NUP205: variants seen among roughly 807,000 people sequenced by gnomAD.
NUP205 encodes the protein nucleoporin 205.
NUP205 carries 76 observed loss-of-function variants against 253.8 expected under a neutral mutation model. The ratio of observed to expected loss-of-function variants is 0.30; its 90% CI spans 0.25 to 0.36. NUP205 has a LOEUF of 0.36. Ranked by LOEUF, NUP205 falls within the 10% of genes least tolerant of loss-of-function variation. The pLI is 1.00. For missense variants in NUP205, 2,162 were observed against 2,425.5 expected, an observed-to-expected ratio of 0.89 and a Z score of 2.28; for synonymous variants, 832 against 850.1, an observed-to-expected ratio of 0.98 and a Z score of 0.37.
chr7:135,562,630 C>T (rs1055589499), intron 1 of NUP205, among the ~76,000 whole-genome samples: 4 of 143,730 alleles, frequency 2.8e-5, no homozygotes, highest in African/African-American at 5.1e-5. Flanking sequence ...TCACTGAAAC[C>T]TCTGCCTCCC....
intron 19 of NUP205, among the ~76,000 whole-genome samples, 171 bp from the exon 20 acceptor site, chr7:135,605,974 C>G (rs887782129): frequency 4.6e-5 from 7 of 151,598 alleles, no homozygotes; most frequent in African/African-American, 1.2e-4. Context: ...AGCTAACTTA[C>G]GGCAACTTAA....
rs770538302 is a variant in NUP205 at position 135,604,449 on chromosome 7, A to T, written c.2812A>T (p.Thr938Ser). ...NIQIKLVGDF[T>S]HDQSISQKLM... ...TCAGATAAAGTTGGTTGGAGATTTC[A>T]CACATGACCAGGTAACTGATTTTGT... Residue 938 changes from threonine (T) to serine (S), a missense_variant, in exon 19 of 43, where the codon ACA becomes TCA. Around this residue, in one of 5 missense-constraint regions of NUP205, gnomAD observed 892 missense variants for 957.1 expected, o/e 0.93. Transcript: ENST00000285968. 1.4e-5 allele frequency: 22 copies of T among 1,604,824 alleles called. 1 individual carries two copies. The South Asian group carries it at 2.5e-4, about 18-fold the overall frequency.
chr7:135,590,508 TA>T (rs1806600219), intron 10 of NUP205, among the ~76,000 whole-genome samples: 2 of 152,068 alleles, frequency 1.3e-5, no homozygotes, highest in South Asian at 4.1e-4. Flanking sequence ...ATATCTCTCT[TA>T]AAAATGTTAT....
In NUP205 at chr7:135,587,952, C is replaced by G. The variant is rs547020231; in HGVS notation, c.1433C>G (p.Ser478Cys). Residue 478 changes from serine (S) to cysteine (C), a missense_variant, in exon 10 of 43, where the codon TCT becomes TGT. By Grantham distance (112) the Ser-to-Cys change is moderately radical. This residue lies in a region of NUP205 where 892 missense variants were observed against 957.1 expected (regional missense o/e 0.93). Coordinates refer to ENST00000285968, the MANE Select transcript of NUP205 (RefSeq NM_015135.3). Reference protein sequence around the residue: ...EPLQTPTIMGSYLGVAHQRPP... With the variant: ...EPLQTPTIMGCYLGVAHQRPP... ...CTTCAGACTCCGACTATCATGGGCTCTTATCTAGGGGTGGCTCATCAGCGG... is the reference window on the plus strand; with the variant it reads ...CTTCAGACTCCGACTATCATGGGCTGTTATCTAGGGGTGGCTCATCAGCGG... 10 of 1,613,806 alleles carry G rather than the reference C, an allele frequency of 6.2e-6. No homozygotes were observed. The highest frequency in any genetic ancestry group is 1.7e-5 in the Admixed American group (1 of 59,980).
chr7:135,569,880 C>CT (rs1805894289), intron 1 of NUP205, among the ~76,000 whole-genome samples: 1 of 151,986 alleles, frequency 6.6e-6, no homozygotes, highest in African/African-American at 2.4e-5. Context: ...CCTACTGCTG[C>CT]TTTTCATCTG....
chr7:135,618,495 G>A lies in NUP205; in HGVS notation c.3855G>A (p.Ser1285=), dbSNP rs147285807. The part of the protein sequence containing the change: ...CLHAKRHALE[S]WRQLVEIILT... ...ATGCAAAACGTCATGCTCTGGAGTCGTGGAGGCAACTAGTAGAAATTATAC... is the reference window on the plus strand; with the variant it reads ...ATGCAAAACGTCATGCTCTGGAGTCATGGAGGCAACTAGTAGAAATTATAC... Residue 1285 remains serine, a synonymous_variant, in exon 28 of 43, where the codon TCG becomes TCA. Coordinates refer to ENST00000285968, the MANE Select transcript of NUP205 (RefSeq NM_015135.3). 2.0e-4 allele frequency: 326 copies of A among 1,613,944 alleles called. No homozygotes were observed. The highest frequency in any genetic ancestry group is 2.4e-4 in the Non-Finnish European group (281 of 1,179,982).
intron 38 of NUP205, among the ~76,000 whole-genome samples, chr7:135,641,990 C>A (rs1323989079): frequency 6.6e-6 from 1 of 151,600 alleles, no homozygotes; most frequent in Non-Finnish European, 1.5e-5. Flanking sequence ...TGTGGTGGCT[C>A]GTGCCTGTAA....
Position 135,638,696 on chromosome 7 carries a change from T to G in NUP205, c.5392+13T>G, listed in dbSNP as rs763827842. ...GGACCGCGGCAAGGTGAGCTTAGTT[T>G]TTCATTCTGTATTGAAGGAACTAAG... On this transcript the variant is annotated intron_variant, in intron 38 of 42. Coordinates refer to ENST00000285968, the MANE Select transcript of NUP205 (RefSeq NM_015135.3). The G allele has an allele frequency of 3.0e-5, 49 of 1,614,038 alleles. No homozygotes were observed. Among genetic ancestry groups the G allele is most frequent in the Non-Finnish European group, 4.0e-5 (47 of 1,180,008 alleles).
At chr7:135,558,281 T>G (rs922653298) in intron 1 of NUP205, 4 of 417,114 alleles carry the variant, frequency 9.6e-6, no homozygotes, top group African/African-American at 6.0e-5. Context: ...ACTGTGCGTC[T>G]GTGGTCCCGA....
At chr7:135,623,619 A>G (rs556810999) in intron 31 of NUP205, among the ~76,000 whole-genome samples, 28 of 152,348 alleles carry the variant, frequency 1.8e-4, no homozygotes, top group Middle Eastern at 6.8e-3. Flanking sequence ...TTTCTTGTAC[A>G]GTATGGTGGC....
chr7:135,563,312 C>T (rs1324243544), intron 1 of NUP205, among the ~76,000 whole-genome samples: 148 of 151,724 alleles, frequency 9.8e-4, no homozygotes, highest in African/African-American at 3.3e-3. Context: ...CTCAGCCTCC[C>T]TAGCAGCTGG....
rs751993856 is a variant in NUP205 at position 135,644,896 on chromosome 7, T to C, written c.5561T>C (p.Leu1854Ser). Residue 1854 changes from leucine to serine, a missense_variant and splice_region_variant, in exon 40 of 43, where the codon TTG (leucine) becomes TCG (serine). By Grantham distance (145) the Leu-to-Ser change is moderately radical. Transcript: ENST00000285968. Reference protein sequence around the residue: ...EQLPPDEIKELCQSVMPAGVD... With the variant: ...EQLPPDEIKESCQSVMPAGVD... ...TAATACCACATTTGTTTCTTCTAGT[T>C]GTGTCAGTCTGTGATGCCTGCTGGT... The C allele has an allele frequency of 6.2e-7, 1 of 1,613,504 alleles. No homozygotes were observed. Among genetic ancestry groups the C allele is most frequent in the Non-Finnish European group, 8.5e-7 (1 of 1,179,820 alleles).
At chr7:135,581,850 T>C (rs531118769) in intron 7 of NUP205, among the ~76,000 whole-genome samples, 11 of 150,982 alleles carry the variant, frequency 7.3e-5, no homozygotes, top group Admixed American at 6.6e-4. Context: ...GAAACTCTGT[T>C]TCCAAAAAAA....
At chr7:135,589,766 C>CA (rs1806574127) in intron 10 of NUP205, among the ~76,000 whole-genome samples, 2 of 151,080 alleles carry the variant, frequency 1.3e-5, no homozygotes, top group Non-Finnish European at 3.0e-5. Flanking sequence ...CCTGTCTCTA[C>CA]AAAAAATATT....
chr7:135,573,093 C>T (rs562479777), intron 2 of NUP205, among the ~76,000 whole-genome samples: 41 of 151,986 alleles, frequency 2.7e-4, no homozygotes, highest in South Asian at 4.2e-4. Context: ...AGCTGGATGT[C>T]GGTTTTTCTG....
At chr7:135,563,429 TG>T (rs1204234871) in intron 1 of NUP205, among the ~76,000 whole-genome samples, 8 of 152,016 alleles carry the variant, frequency 5.3e-5, no homozygotes, top group Admixed American at 5.2e-4. Flanking sequence ...CCTCGTGATG[TG>T]GCCCGCCTTG....
chr7:135,609,865 A>G (rs980484748), intron 22 of NUP205, among the ~76,000 whole-genome samples: 4 of 152,210 alleles, frequency 2.6e-5, no homozygotes, highest in Admixed American at 6.5e-5. Flanking sequence ...ACATATTAGC[A>G]CAGATTTACA....
Position 135,646,149 on chromosome 7 carries a change from T to A in NUP205, c.5813-9T>A, listed in dbSNP as rs1424726809. The A allele has an allele frequency of 6.2e-7, 1 of 1,606,292 alleles. No homozygotes were observed. Among genetic ancestry groups the A allele is most frequent in the Admixed American group, 1.7e-5 (1 of 60,008 alleles). The stretch of plus-strand genomic sequence containing the variant: ...CACAGCCGGTATGACTCTGTTTTTT[T>A]ATCTCTAGATTCCTTCGCCTCAGAA... On this transcript the variant is annotated splice_polypyrimidine_tract_variant and intron_variant, in intron 41 of 42. Transcript: ENST00000285968.
intron 1 of NUP205, among the ~76,000 whole-genome samples, chr7:135,562,209 T>G (rs897097369): frequency 6.6e-6 from 1 of 152,108 alleles, no homozygotes; most frequent in African/African-American, 2.4e-5. Context: ...AATTATTTTT[T>G]ATTTTGAGAC....
Sources: allele counts gnomAD v4.1 joint callset (sites outside exome capture counted in the v4.1 genomes callset), GRCh38; gene constraint gnomAD v4.1.1; regional missense constraint gnomAD v4.1.1; transcripts MANE v1.5; gene names NCBI Gene and HGNC (gene_info 2026-07-23, HGNC 2026-07-21).